GLB1: variants seen among roughly 807,000 people sequenced by gnomAD.
GLB1 encodes beta-galactosidase.
In GLB1, 56 loss-of-function variants were observed where a neutral mutation model predicts 74.0. The observed-to-expected ratio is 0.76, with a 90% confidence interval of 0.61 to 0.94. GLB1 has a LOEUF of 0.94. Among genes scored for constraint, GLB1 ranks in the 40% least tolerant of loss-of-function variants. The probability of loss-of-function intolerance (pLI) is 0.00; values close to 1 mark genes in which losing one functional copy is unlikely to be tolerated. For synonymous variants in GLB1, 323 were observed against 323.6 expected (o/e 1.00, Z 0.02); for missense variants, 787 against 845.5 (o/e 0.93, Z 0.86).
intron 13 of GLB1, among the ~76,000 whole-genome samples, chr3:33,017,339 AC>A (rs1380527390): frequency 3.9e-5 from 6 of 152,250 alleles, no homozygotes; most frequent in African/African-American, 1.4e-4. Flanking sequence ...ATGAGGAAAA[AC>A]AACAGGTATT....
chr3:33,021,395 C>G (rs373921098), intron 12 of GLB1, 171 bp downstream of exon 12: 6 of 758,908 alleles, frequency 7.9e-6, no homozygotes, highest in Non-Finnish European at 1.3e-5. Flanking sequence ...CAGCCCACCA[C>G]GCAGCACTTC....
rs13093698 is a variant in GLB1, at chr3:33,021,558, A to G, written c.1233+8T>C. On this transcript the variant is annotated splice_region_variant and intron_variant, in intron 12 of 15. Coordinates refer to ENST00000307363, the MANE Select transcript of GLB1 (RefSeq NM_000404.4). ...AAAAAAGGCGAGGCATTACCTTTGA[A>G]GGCCTACCTGTTTCACCTGGATAAA... 0.21 allele frequency: 342,359 copies of G among 1,612,234 alleles called. 37,411 individuals carry two copies. The highest frequency in any genetic ancestry group is 0.22 in the Non-Finnish European group (263,846 of 1,179,004).
chr3:33,061,144 C>T lies in GLB1; in HGVS notation c.553-2875G>A, dbSNP rs571649715. 1.3e-4 allele frequency among the ~76,000 whole-genome samples: 20 copies of T among 152,326 alleles called. No individual in the cohort carries two copies. In the South Asian group the frequency reaches 3.7e-3, roughly 28 times the overall value. On this transcript the variant is annotated intron_variant, in intron 5 of 15. Transcript: ENST00000307363. ...TAAAACACCAGGCTGGGCGTGGTGG[C>T]TCACGCCTGTAATCCTAGTACTTTG...
At chr3:32,979,561 A>G in the GLB1 span, among the ~76,000 whole-genome samples, 1 of 152,012 alleles carries the variant, frequency 6.6e-6, no homozygotes, top group East Asian at 1.9e-4. Flanking sequence ...ATTGTCAAAA[A>G]GGCACACTTG....
chr3:32,990,491 AAAAAC>A, the GLB1 span, among the ~76,000 whole-genome samples: 1 of 152,202 alleles, frequency 6.6e-6, no homozygotes, highest in Non-Finnish European at 1.5e-5. Flanking sequence ...GGTAAATGAA[AAAAAC>A]AAAACAAAAC....
chr3:33,049,596 T>G (rs1698893077), intron 9 of GLB1, among the ~76,000 whole-genome samples: 1 of 152,132 alleles, frequency 6.6e-6, no homozygotes, highest in Admixed American at 6.5e-5. Context: ...TTTTGTATCT[T>G]TAGTAGAGAC....
chr3:33,001,294 T>C (rs562232686), intron 15 of GLB1, among the ~76,000 whole-genome samples: 1 of 151,806 alleles, frequency 6.6e-6, no homozygotes, highest in Non-Finnish European at 1.5e-5. Context: ...ACAGGCACAA[T>C]ACAGCCTCAA....
At chr3:33,010,211 G>A (rs1178887449) in intron 15 of GLB1, among the ~76,000 whole-genome samples, 1 of 152,188 alleles carries the variant, frequency 6.6e-6, no homozygotes. Flanking sequence ...TACCAGCAAT[G>A]TGGGAAGATT....
chr3:33,001,892 A>G (rs1696587539), intron 15 of GLB1, among the ~76,000 whole-genome samples: 1 of 152,252 alleles, frequency 6.6e-6, no homozygotes, highest in African/African-American at 2.4e-5. Flanking sequence ...GATTAGAACC[A>G]ATGAAAAACA....
chr3:33,077,334 T>A, intron 1 of GLB1: 2 of 1,540,406 alleles, frequency 1.3e-6, no homozygotes, highest in African/African-American at 1.4e-5. Flanking sequence ...AGTAAACTAA[T>A]GAAAGCCTGT....
Position 33,028,955 on chromosome 3 carries a change from G to A in GLB1, c.1069-4630C>T, listed in dbSNP as rs527311266. On this transcript the variant is annotated intron_variant, in intron 10 of 15. Coordinates refer to ENST00000307363, the MANE Select transcript of GLB1 (RefSeq NM_000404.4). Reference sequence around the variant, plus strand: ...TGGGATTACAGGCGTGAGCCACTGCGCCTGGTCATCATTTACCCAATTTTC... The same window carrying A: ...TGGGATTACAGGCGTGAGCCACTGCACCTGGTCATCATTTACCCAATTTTC... 1.1e-4 allele frequency among the ~76,000 whole-genome samples: 17 copies of A among 152,026 alleles called. 1 individual carries two copies. The South Asian group carries it at 1.5e-3, about 13-fold the overall frequency.
In GLB1 at chr3:33,016,782, G is replaced by C; in HGVS notation, c.1406C>G (p.Ala469Gly). 1 of 1,614,186 alleles carries C rather than the reference G, an allele frequency of 6.2e-7. No homozygotes were observed. Among genetic ancestry groups the C allele is most frequent in the Non-Finnish European group, 8.5e-7 (1 of 1,180,016 alleles). The change falls in exon 14 of 16, where the codon GCT (alanine) becomes GGT (glycine). Residue 469 changes from alanine (A) to glycine (G), a missense_variant. Ala to Gly is a moderately conservative substitution (Grantham distance 60). Transcript: ENST00000307363. ...NVITLNITGKAGATLDLLVEN... is the reference protein window; with the variant it reads ...NVITLNITGKGGATLDLLVEN... ...TACCAGAAGGTCCAGAGTGGCTCCA[G>C]CTTTCCCTGTTATGTTCAGAGTGAT...
chr3:33,033,914 G>T (rs1487291091), intron 10 of GLB1: 2 of 539,458 alleles, frequency 3.7e-6, no homozygotes, highest in Non-Finnish European at 7.4e-6. Context: ...TATGATTTAT[G>T]ATGCCCAGAT....
intron 15 of GLB1, among the ~76,000 whole-genome samples, chr3:33,006,464 C>T (rs1017811369): frequency 1.3e-5 from 2 of 152,090 alleles, no homozygotes; most frequent in African/African-American, 2.4e-5. Context: ...GTGTCTTCCA[C>T]GAAACTAGTC....
intron 4 of GLB1, among the ~76,000 whole-genome samples, chr3:33,066,970 C>T (rs925012703): frequency 6.6e-6 from 1 of 151,676 alleles, no homozygotes; most frequent in Non-Finnish European, 1.5e-5. Context: ...TCCAATGACA[C>T]CATCCCAGAA....
chr3:33,072,475 A>G, intron 2 of GLB1, 69 bp downstream of exon 2: 1 of 1,604,724 alleles, frequency 6.2e-7, no homozygotes, highest in Non-Finnish European at 8.5e-7. Context: ...ACCCTGAGAA[A>G]TACAGTTGTA....
intron 1 of GLB1, among the ~76,000 whole-genome samples, chr3:33,082,429 A>G (rs1387976003): frequency 6.6e-6 from 1 of 152,162 alleles, no homozygotes; most frequent in Non-Finnish European, 1.5e-5. Flanking sequence ...CAAGACCACA[A>G]TCCTCTGGGA....
the GLB1 span, among the ~76,000 whole-genome samples, chr3:32,978,563 A>G: frequency 6.6e-6 from 1 of 152,146 alleles, no homozygotes; most frequent in African/African-American, 2.4e-5. Context: ...AACAAACCCA[A>G]GGCAGAATAA....
intron 1 of GLB1, among the ~76,000 whole-genome samples, chr3:33,076,712 C>T (rs1374923915): frequency 6.6e-6 from 1 of 152,144 alleles, no homozygotes; most frequent in Non-Finnish European, 1.5e-5. Flanking sequence ...AAAAATATGA[C>T]TACGTGTATA....
Sources: gnomAD v4.1 joint callset for allele counts (sites outside exome capture counted in the v4.1 genomes callset) on GRCh38, gnomAD v4.1.1 for gene constraint, MANE v1.5 for transcripts, NCBI Gene and HGNC (gene_info 2026-07-23, HGNC 2026-07-21) for gene names.